The following RIMBP2 variants were observed in gnomAD, a reference collection of about 807,000 sequenced individuals.
The protein encoded by RIMBP2 is RIMS-binding protein 2.
A neutral mutation model predicts 118.6 loss-of-function variants in RIMBP2; 48 were observed. That is an observed-to-expected ratio of 0.40 (90% CI 0.32 to 0.51). The LOEUF is 0.51. Ranked by LOEUF, RIMBP2 falls within the 20% of genes least tolerant of loss-of-function variation. RIMBP2 has a pLI of 0.41. For synonymous variants in RIMBP2, 762 were observed against 742.9 expected (o/e 1.03, Z -0.42); for missense variants, 1,551 against 1,768.3 (o/e 0.88, Z 2.20).
intron 1 of RIMBP2, among the ~76,000 whole-genome samples, chr12:130,676,845 G>A (rs1432492833): frequency 6.6e-6 from 1 of 152,104 alleles, no homozygotes; most frequent in Non-Finnish European, 1.5e-5. Context: ...ACAAGTGAGG[G>A]GCTGCTGGGG....
intron 2 of RIMBP2, among the ~76,000 whole-genome samples, chr12:130,589,139 G>A (rs921477118): frequency 6.6e-6 from 1 of 152,178 alleles, no homozygotes; most frequent in African/African-American, 2.4e-5. Context: ...CCCAGCTATA[G>A]TCAGCAACAA....
intron 5 of RIMBP2, chr12:130,472,377 C>T (rs1020900619): frequency 1.3e-5 from 2 of 152,216 alleles, no homozygotes; most frequent in East Asian, 3.9e-4. Context: ...ACCAGGCTCC[C>T]GCCTGCAGCA....
chr12:130,654,653 T>C (rs2136293839), intron 1 of RIMBP2, among the ~76,000 whole-genome samples: 1 of 152,378 alleles, frequency 6.6e-6, no homozygotes, highest in East Asian at 1.9e-4. Context: ...CCCACTCCTC[T>C]GTACCAATTT....
chr12:130,510,384 A>C (rs1285647559), intron 3 of RIMBP2, among the ~76,000 whole-genome samples: 1 of 151,734 alleles, frequency 6.6e-6, no homozygotes, highest in Non-Finnish European at 1.5e-5. Flanking sequence ...TGATGCTCAT[A>C]AGCAAAGTAA....
At chr12:130,421,972 G>A (rs1259779651) in intron 17 of RIMBP2, among the ~76,000 whole-genome samples, 8 of 152,192 alleles carry the variant, frequency 5.3e-5, no homozygotes, top group Non-Finnish European at 2.9e-5. Context: ...TGGATGTGGG[G>A]AGCACACATT....
rs557407498 is a variant in RIMBP2 at position 130,668,227 on chromosome 12, G to A, written c.-351-39771C>T. 12 of 152,326 alleles carry A rather than the reference G, an allele frequency of 7.9e-5. No individual in the cohort carries two copies. The South Asian group carries it at 8.3e-4, about 11-fold the overall frequency. 9.4% of individuals were successfully genotyped at this position (152,326 alleles called of 1,614,324 possible). ...GCATTGAGAGCAAGTTCAAAGCGAA[G>A]GTGACGGTAAGAACACTCGATAACA... On this transcript the variant is annotated intron_variant, in intron 1 of 22. Transcript: ENST00000690449.
At chr12:130,689,053 G>A (rs533072790) in intron 1 of RIMBP2, among the ~76,000 whole-genome samples, 13 of 152,280 alleles carry the variant, frequency 8.5e-5, no homozygotes, top group Non-Finnish European at 1.6e-4. Flanking sequence ...TATGACCTGC[G>A]CTTACAGAAA....
intron 1 of RIMBP2, among the ~76,000 whole-genome samples, chr12:130,686,412 G>A (rs1594202924): frequency 6.6e-6 from 1 of 152,222 alleles, no homozygotes; most frequent in South Asian, 2.1e-4. Flanking sequence ...ACTGAGAAGC[G>A]CGGCCCAGAC....
At chr12:130,462,061 G>C (rs938926963) in intron 6 of RIMBP2, among the ~76,000 whole-genome samples, 12 of 152,214 alleles carry the variant, frequency 7.9e-5, no homozygotes, top group Non-Finnish European at 1.5e-5. Context: ...GTGGCTGCTG[G>C]CCGTGGTGCT....
chr12:130,568,501 T>C (rs574535893), intron 2 of RIMBP2, among the ~76,000 whole-genome samples: 1 of 152,304 alleles, frequency 6.6e-6, no homozygotes, highest in Non-Finnish European at 1.5e-5. Context: ...CATTCAGCCT[T>C]TTGATCCTGA....
rs76976106 is a variant in RIMBP2, at chr12:130,448,511, C to T, written c.581+1689G>A. ...CTCAGCATGTGCCAGGCTCAGAGGA[C>T]ACCAGCCCAGCGCTGCCCCTGTGCT... On this transcript the variant is annotated intron_variant, in intron 9 of 22. Transcript: ENST00000690449. Among the ~76,000 whole-genome samples, 309 of 152,366 alleles carry T rather than the reference C, an allele frequency of 2.0e-3. 6 individuals carry two copies. The East Asian group carries it at 0.057, about 28-fold the overall frequency.
intron 4 of RIMBP2, among the ~76,000 whole-genome samples, chr12:130,500,638 G>A (rs1268816817): frequency 6.6e-6 from 1 of 152,090 alleles, no homozygotes; most frequent in Non-Finnish European, 1.5e-5. Context: ...TGTGACCAGT[G>A]GGCTAATTTT....
At chr12:130,505,442 C>T (rs1258309112) in intron 4 of RIMBP2, among the ~76,000 whole-genome samples, 2 of 150,860 alleles carry the variant, frequency 1.3e-5, no homozygotes, top group African/African-American at 4.9e-5. Flanking sequence ...CCTCATACCC[C>T]TTAGTGGTCA....
chr12:130,493,217 G>T (rs2048809773), intron 4 of RIMBP2, among the ~76,000 whole-genome samples: 1 of 152,156 alleles, frequency 6.6e-6, no homozygotes. Flanking sequence ...TTTTATTTAG[G>T]TCTGCCACTC....
At chr12:130,398,610 A>G (rs2074245479) in intron 22 of RIMBP2, 1 of 152,638 alleles carries the variant, frequency 6.6e-6, no homozygotes. Context: ...CTCGTAAGGT[A>G]GAGGCAGGGT....
At chr12:130,686,844 C>G (rs971264449) in intron 1 of RIMBP2, among the ~76,000 whole-genome samples, 1 of 152,164 alleles carries the variant, frequency 6.6e-6, no homozygotes, top group Non-Finnish European at 1.5e-5. Flanking sequence ...GAAGGGGACG[C>G]TCTGCTGGGA....
rs1425449237 is a variant in RIMBP2 at position 130,474,167 on chromosome 12, G to A, written c.103-3424C>T. On this transcript the variant is annotated intron_variant, in intron 5 of 22. Transcript: ENST00000690449. ...GAGGAAGCCTCAGGGTTTCAGAATCGGGTCTCAAGTGGACCACGGGCATGT... is the reference window on the plus strand; with the variant it reads ...GAGGAAGCCTCAGGGTTTCAGAATCAGGTCTCAAGTGGACCACGGGCATGT... 3.3e-5 allele frequency among the ~76,000 whole-genome samples: 5 copies of A among 152,222 alleles called. No individual in the cohort carries two copies. In the South Asian group the frequency reaches 6.2e-4, roughly 19 times the overall value.
At chr12:130,583,952 C>T (rs1031241151) in intron 2 of RIMBP2, among the ~76,000 whole-genome samples, 12 of 149,852 alleles carry the variant, frequency 8.0e-5, no homozygotes, top group Non-Finnish European at 4.5e-5. Context: ...CAACCATCAT[C>T]GCATCACCAT....
rs1305433589 is a variant in RIMBP2, at chr12:130,434,354, C to T, written c.2253+380G>A. Among the ~76,000 whole-genome samples, 1 of 152,142 alleles carries T rather than the reference C, an allele frequency of 6.6e-6. No homozygotes were observed. The highest frequency in any genetic ancestry group is 1.5e-5 in the Non-Finnish European group (1 of 68,040). On this transcript the variant is annotated intron_variant, in intron 14 of 22. Coordinates refer to ENST00000690449, the MANE Select transcript of RIMBP2 (RefSeq NM_001393629.1). The surrounding 1 kb of genome is among the most constrained non-coding windows in gnomAD (Gnocchi z 5.7). ...GTGTTATTTTTGGCTCCCATGATGC[C>T]TCCCTAGCACACAGATGGCCAACAA...
Sources: gnomAD v4.1 joint callset for allele counts (sites outside exome capture counted in the v4.1 genomes callset) on GRCh38, gnomAD v4.1.1 for gene constraint, Gnocchi (gnomAD v3.1) non-coding constraint, MANE v1.5 for transcripts, NCBI Gene and HGNC (gene_info 2026-07-23, HGNC 2026-07-21) for gene names.